Variants in RFC4 observed in about 807,000 individuals in gnomAD.
The protein encoded by RFC4 is replication factor C subunit 4, also known as A1 37 kDa subunit.
A neutral mutation model predicts 47.6 loss-of-function variants in RFC4; 38 were observed. That is an observed-to-expected ratio of 0.80 (90% CI 0.62 to 1.05). The LOEUF is 1.05. Among genes scored for constraint, RFC4 ranks in the 50% least tolerant of loss-of-function variants. The pLI is 0.00. For synonymous variants in RFC4, 164 were observed against 150.0 expected, an observed-to-expected ratio of 1.09 and a Z score of -0.68; for missense variants, 489 against 434.0, an observed-to-expected ratio of 1.13 and a Z score of -1.13.
rs752173596 is a variant in RFC4 at position 186,789,940 on chromosome 3, A to ACAAAACCCC, written c.*20_*28dup. ...TATTTTTATTACAACTTCATTATTT[A>ACAAAACCCC]CAAAACCCCCCATCCAGATATATTC... On this transcript the variant is annotated 3_prime_UTR_variant, in exon 11 of 11. Transcript: ENST00000296273. 17 of 1,362,116 alleles carry ACAAAACCCC rather than the reference A, an allele frequency of 1.2e-5. No homozygotes were observed. In the Admixed American group the frequency reaches 2.7e-4, roughly 22 times the overall value. 84.4% of individuals were successfully genotyped at this position (1,362,116 alleles called of 1,614,324 possible).
Position 186,789,960 on chromosome 3 carries a change from A to C in RFC4, c.*9T>G, listed in dbSNP as rs773534752. ...TATTTACAAAACCCCCCATCCAGAT[A>C]TATTCACGTTAACAATTCTGAGATA... On this transcript the variant is annotated 3_prime_UTR_variant, in exon 11 of 11. Transcript: ENST00000296273. 1 of 1,542,990 alleles carries C rather than the reference A, an allele frequency of 6.5e-7. No homozygotes were observed. The highest frequency in any genetic ancestry group is 9.0e-7 in the Non-Finnish European group (1 of 1,116,794).
intron 9 of RFC4, 31 bp from the exon 10 acceptor site, chr3:186,790,286 C>CT: frequency 1.9e-6 from 3 of 1,610,394 alleles, no homozygotes; most frequent in Non-Finnish European, 2.5e-6. Context: ...GGTATGATGA[C>CT]TTAATATTCC....
intron 2 of RFC4, 35 bp downstream of exon 2, chr3:186,804,548 A>G (rs1722433142): frequency 6.2e-7 from 1 of 1,604,784 alleles, no homozygotes; most frequent in Non-Finnish European, 8.5e-7. Flanking sequence ...GAGATAATTT[A>G]TGAATTATTT....
chr3:186,795,690 G>A (rs968588774), intron 4 of RFC4, among the ~76,000 whole-genome samples: 2 of 152,136 alleles, frequency 1.3e-5, no homozygotes, highest in African/African-American at 4.8e-5. Context: ...CTACTCAGGA[G>A]GCTGAGGCAG....
intron 2 of RFC4, among the ~76,000 whole-genome samples, chr3:186,802,220 G>A (rs1265882765): frequency 3.3e-5 from 5 of 151,932 alleles, no homozygotes; most frequent in African/African-American, 1.2e-4. Flanking sequence ...GGTGGGCGTG[G>A]TGGCACATGC....
At position 186,792,613 on chromosome 3, in the gene RFC4, G is replaced by A. The variant is rs751944374; in HGVS notation, c.555-3C>T. ...TAGAGGTCAGGGGTTCAATTATTCT[G>A]TGGAAGATGAGAAAAACCAAGTTGG... is the stretch of plus-strand genomic sequence containing the variant. On this transcript the variant is annotated splice_polypyrimidine_tract_variant and splice_region_variant and intron_variant, in intron 6 of 10. Transcript: ENST00000296273. The A allele has an allele frequency of 1.4e-5, 23 of 1,608,420 alleles. No individual in the cohort carries two copies. The highest frequency in any genetic ancestry group is 1.9e-5 in the Non-Finnish European group (22 of 1,177,364).
At chr3:186,794,889 TAGA>T in intron 4 of RFC4, 112 bp from the exon 5 acceptor site, 1 of 1,167,566 alleles carries the variant, frequency 8.6e-7, no homozygotes, top group Non-Finnish European at 1.2e-6. Context: ...ACAACATGGA[TAGA>T]AGGCACACAA....
intron 3 of RFC4, among the ~76,000 whole-genome samples, chr3:186,799,571 T>C (rs930731956): frequency 6.6e-6 from 1 of 151,912 alleles, no homozygotes; most frequent in African/African-American, 2.4e-5. Flanking sequence ...AAATGAGCTG[T>C]GTGTGGTGGT....
At chr3:186,791,443 C>A in intron 8 of RFC4, 1 of 367,408 alleles carries the variant, frequency 2.7e-6, no homozygotes, top group Non-Finnish European at 5.3e-6. Context: ...GCACTCCAGC[C>A]TGGGCGACAC....
rs1722251902 is a variant in RFC4, at chr3:186,796,741, A to G, written c.290+794T>C. 6.6e-6 allele frequency among the ~76,000 whole-genome samples: 1 copy of G among 152,138 alleles called. No homozygotes were observed. Among genetic ancestry groups the G allele is most frequent in the Admixed American group, 6.5e-5 (1 of 15,278 alleles). On this transcript the variant is annotated intron_variant, in intron 4 of 10. Transcript: ENST00000296273. The surrounding 1 kb of genome is among the most constrained non-coding windows in gnomAD (Gnocchi z 4.2). ...GTGATCCACCTGCCTCGGCCTCCCA[A>G]AGTGCTGGGATTACAGATGTGAGCC...
intron 3 of RFC4, among the ~76,000 whole-genome samples, chr3:186,798,986 A>G (rs1722298688): frequency 1.3e-5 from 2 of 152,254 alleles, no homozygotes; most frequent in Non-Finnish European, 2.9e-5. Flanking sequence ...TTAGAAGACT[A>G]TTACTGTTAC....
rs969298381 is a variant in RFC4 at position 186,796,700 on chromosome 3, G to A, written c.290+835C>T. Among the ~76,000 whole-genome samples, 6 of 152,202 alleles carry A rather than the reference G, an allele frequency of 3.9e-5. No homozygotes were observed. The highest frequency in any genetic ancestry group is 3.4e-3 in the Middle Eastern group (1 of 294). On this transcript the variant is annotated intron_variant, in intron 4 of 10. Coordinates refer to ENST00000296273, the MANE Select transcript of RFC4 (RefSeq NM_002916.5). The surrounding 1 kb of genome is among the most constrained non-coding windows in gnomAD (Gnocchi z 4.2). ...TCACCATGTTGGCCAGGCTGGTTTC[G>A]AACTCCTCACCCCAGGTGATCCACC...
chr3:186,792,187 TTAGC>T (rs1307494021), intron 7 of RFC4, among the ~76,000 whole-genome samples: 21 of 152,224 alleles, frequency 1.4e-4, no homozygotes, highest in Non-Finnish European at 2.1e-4. Context: ...TACTGAAGTA[TTAGC>T]TAGAAGACTA....
chr3:186,790,484 C>T (rs1169789420), intron 8 of RFC4, 78 bp from the exon 9 acceptor site: 11 of 1,004,076 alleles, frequency 1.1e-5, no homozygotes, highest in African/African-American at 4.8e-5. Context: ...GCCCCCGTGC[C>T]CCCAGTCATT....
intron 6 of RFC4, 52 bp from the exon 7 acceptor site, chr3:186,792,662 A>G (rs773414928): frequency 4.7e-5 from 74 of 1,584,352 alleles, no homozygotes; most frequent in African/African-American, 6.8e-5. Flanking sequence ...AATTTCCCCA[A>G]AAGAACTCAT....
At chr3:186,804,518 A>T in intron 2 of RFC4, 65 bp downstream of exon 2, 11 of 1,383,532 alleles carry the variant, frequency 8.0e-6, no homozygotes, top group South Asian at 1.4e-5. Flanking sequence ...AAAAAAAAAA[A>T]GTGATCAGTA....
At chr3:186,797,483 A>C (rs1560092387) in intron 4 of RFC4, 52 bp downstream of exon 4, 1 of 1,180,268 alleles carries the variant, frequency 8.5e-7, no homozygotes, top group East Asian at 2.3e-5. Context: ...AATATCAGAG[A>C]ATTTTGGTGT....
At chr3:186,802,584 T>C (rs1005983431) in intron 2 of RFC4, among the ~76,000 whole-genome samples, 1 of 152,220 alleles carries the variant, frequency 6.6e-6, no homozygotes, top group African/African-American at 2.4e-5. Flanking sequence ...ATATATAATT[T>C]TCATCTTACA....
intron 2 of RFC4, chr3:186,801,462 T>G: frequency 2.4e-6 from 1 of 416,088 alleles, no homozygotes; most frequent in Admixed American, 4.1e-5. Context: ...AAAAGGATTT[T>G]ATTTTATATG....
Sources: gnomAD v4.1 joint callset for allele counts (sites outside exome capture counted in the v4.1 genomes callset) on GRCh38, gnomAD v4.1.1 for gene constraint, Gnocchi (gnomAD v3.1) non-coding constraint, MANE v1.5 for transcripts, NCBI Gene and HGNC (gene_info 2026-07-23, HGNC 2026-07-21) for gene names.